The following SIDT1 variants were observed in gnomAD, a reference collection of about 807,000 sequenced individuals.
SIDT1 encodes the protein SID1 transmembrane family member 1.
Under a neutral mutation model 107.5 loss-of-function variants are expected in SIDT1, and 101 were observed. That is an observed-to-expected ratio of 0.94 (90% CI 0.80 to 1.11). The LOEUF (loss-of-function observed/expected upper bound fraction) is 1.11. Among genes scored for constraint, SIDT1 ranks in the 50% least tolerant of loss-of-function variants. The pLI is 0.00. For missense variants in SIDT1, 1,076 were observed against 1,058.2 expected (o/e 1.02, Z -0.23); for synonymous variants, 395 against 398.2 (o/e 0.99, Z 0.10).
chr3:113,616,305 G>A, intron 20 of SIDT1, 129 bp downstream of exon 20: 1 of 690,416 alleles, frequency 1.4e-6, no homozygotes, highest in Non-Finnish European at 2.6e-6. Flanking sequence ...GTGGCTAAAG[G>A]CCCATTAGTG....
chr3:113,567,685 A>G lies in SIDT1; in HGVS notation c.490A>G (p.Thr164Ala). 1 of 1,613,960 alleles carries G rather than the reference A, an allele frequency of 6.2e-7. No individual in the cohort carries two copies. The highest frequency in any genetic ancestry group is 8.5e-7 in the Non-Finnish European group (1 of 1,179,946). ...PLGAQYKLLVTKLKHFQLRTN... is the reference protein window; with the variant it reads ...PLGAQYKLLVAKLKHFQLRTN... The stretch of plus-strand genomic sequence containing the variant: ...GGGTGCTCAGTACAAACTGCTAGTT[A>G]CCAAGCTGAAGCACTTCCAGCTCCG... The change falls in exon 3 of 25, where the codon ACC (threonine) becomes GCC (alanine). Residue 164 changes from threonine to alanine, a missense_variant. Transcript: ENST00000264852.
Position 113,533,006 on chromosome 3 carries a change from G to A in SIDT1, c.-16G>A. The A allele has an allele frequency of 1.5e-6, 2 of 1,342,674 alleles. No individual in the cohort carries two copies. Among genetic ancestry groups the A allele is most frequent in the Non-Finnish European group, 1.9e-6 (2 of 1,050,608 alleles). The allele number at this position is 1,342,674 out of a possible 1,614,324, so 83.2% of individuals were successfully genotyped here. On this transcript the variant is annotated 5_prime_UTR_variant, in exon 1 of 25. Transcript: ENST00000264852. ...CCAGGGTGGCTCCGCTTTCGAGCCC[G>A]GGCGCGGTGCCCACCATGCGCGGCT...
rs141816466 is a variant in SIDT1 at position 113,616,829 on chromosome 3, C to T, written c.2043+653C>T. 5.4e-3 allele frequency among the ~76,000 whole-genome samples: 819 copies of T among 151,858 alleles called. 13 individuals are homozygous for T. The highest frequency in any genetic ancestry group is 0.032 in the Admixed American group (488 of 15,246). ...TCAGCCTCCTGAGTAGCTGGGATTA[C>T]GGGCATGTGCCACCACACCTGGCTA... On this transcript the variant is annotated intron_variant, in intron 20 of 24. Transcript: ENST00000264852.
chr3:113,539,513 A>AC (rs148343740), intron 1 of SIDT1, among the ~76,000 whole-genome samples: 26,270 of 152,106 alleles, frequency 0.17, 3,307 homozygotes, highest in African/African-American at 0.36. Flanking sequence ...TGGATTGGTA[A>AC]CATTTTCTAA....
chr3:113,595,102 G>A (rs1359044299), intron 10 of SIDT1, among the ~76,000 whole-genome samples: 3 of 152,206 alleles, frequency 2.0e-5, no homozygotes, highest in Non-Finnish European at 4.4e-5. Flanking sequence ...CCTACTTTCA[G>A]AATTAAGATT....
chr3:113,539,330 A>G (rs936033996), intron 1 of SIDT1, among the ~76,000 whole-genome samples: 1 of 152,172 alleles, frequency 6.6e-6, no homozygotes, highest in Non-Finnish European at 1.5e-5. Context: ...TGGCTCCTGA[A>G]TTCTTCTGGT....
chr3:113,546,427 G>A (rs756153495), intron 1 of SIDT1, among the ~76,000 whole-genome samples: 1 of 151,982 alleles, frequency 6.6e-6, no homozygotes, highest in African/African-American at 2.4e-5. Flanking sequence ...TCTTGAAAGT[G>A]ATTTTATTTT....
In SIDT1 at chr3:113,563,396, T is replaced by C. The variant is rs1476059478; in HGVS notation, c.223-3024T>C. 7.2e-5 allele frequency among the ~76,000 whole-genome samples: 11 copies of C among 152,276 alleles called. No homozygotes were observed. The South Asian group carries it at 2.3e-3, about 32-fold the overall frequency. On this transcript the variant is annotated intron_variant, in intron 1 of 24. Transcript: ENST00000264852. ...AATACTAAAAGAAAATAGGAGCAAATTCTTCAGTAACCAGGAATGGTGAAA... is the reference window on the plus strand; with the variant it reads ...AATACTAAAAGAAAATAGGAGCAAACTCTTCAGTAACCAGGAATGGTGAAA...
At chr3:113,635,369 AC>A in the SIDT1 span, among the ~76,000 whole-genome samples, 1 of 152,000 alleles carries the variant, frequency 6.6e-6, no homozygotes, top group Non-Finnish European at 1.5e-5. Flanking sequence ...ACATTCAAAA[AC>A]TCAAAAAGTT....
chr3:113,533,751 GCATTCAA>G (rs1339506731), intron 1 of SIDT1, among the ~76,000 whole-genome samples: 4 of 152,190 alleles, frequency 2.6e-5, no homozygotes, highest in African/African-American at 7.2e-5. Context: ...GAACCTCTGT[GCATTCAA>G]CAGTCACTTC....
Position 113,584,683 on chromosome 3 carries a change from T to C in SIDT1, c.836-15T>C, listed in dbSNP as rs1943606161. Reference sequence around the variant, plus strand: ...TTCAATGTGCTTTGTTCTTTTTTTATTTTTTTTAAACCAGAAAAGGAAAAC... The same window carrying C: ...TTCAATGTGCTTTGTTCTTTTTTTACTTTTTTTAAACCAGAAAAGGAAAAC... On this transcript the variant is annotated splice_polypyrimidine_tract_variant and intron_variant, in intron 7 of 24. Transcript: ENST00000264852. 11 of 1,535,976 alleles carry C rather than the reference T, an allele frequency of 7.2e-6. No individual in the cohort carries two copies. The highest frequency in any genetic ancestry group is 9.8e-6 in the Non-Finnish European group (11 of 1,128,040).
chr3:113,607,972 C>A (rs1945457693), intron 15 of SIDT1, 122 bp from the exon 16 acceptor site: 7 of 1,146,034 alleles, frequency 6.1e-6, no homozygotes, highest in Non-Finnish European at 7.1e-6. Context: ...GATCTTGAAA[C>A]CTTATGGAAA....
intron 1 of SIDT1, among the ~76,000 whole-genome samples, chr3:113,545,091 G>A (rs1214371518): frequency 3.4e-5 from 5 of 145,060 alleles, no homozygotes; most frequent in African/African-American, 8.0e-5. Context: ...CTCCAGCCCG[G>A]GCGACAGAGC....
At chr3:113,552,820 G>A (rs958099538) in intron 1 of SIDT1, among the ~76,000 whole-genome samples, 6 of 152,146 alleles carry the variant, frequency 3.9e-5, no homozygotes, top group Admixed American at 6.5e-5. Context: ...TCCTGTATCC[G>A]GCCCCTTTGA....
chr3:113,550,620 G>A (rs996300512), intron 1 of SIDT1, among the ~76,000 whole-genome samples: 1 of 151,956 alleles, frequency 6.6e-6, no homozygotes, highest in Admixed American at 6.6e-5. Context: ...TTTTTTCTGG[G>A]TTTTTTTGTC....
chr3:113,565,678 T>A (rs555739385), intron 1 of SIDT1, among the ~76,000 whole-genome samples: 1 of 152,338 alleles, frequency 6.6e-6, no homozygotes, highest in South Asian at 2.1e-4. Flanking sequence ...GTTACTGATA[T>A]AAAAAAGCAT....
At position 113,542,494 on chromosome 3, in the gene SIDT1, C is replaced by T. The variant is rs114801709; in HGVS notation, c.222+9251C>T. Among the ~76,000 whole-genome samples, 1,219 of 152,138 alleles carry T rather than the reference C, an allele frequency of 8.0e-3. 13 individuals carry two copies. The highest frequency in any genetic ancestry group is 0.014 in the Non-Finnish European group (963 of 67,986). ...TCTTCTATTTTCCTTAAGACATTAT[C>T]ACGATATTTATTATATTCTTAATGT... On this transcript the variant is annotated intron_variant, in intron 1 of 24. Coordinates refer to ENST00000264852, the MANE Select transcript of SIDT1 (RefSeq NM_017699.3).
intron 4 of SIDT1, among the ~76,000 whole-genome samples, chr3:113,579,919 T>A (rs55986525): frequency 1.1e-3 from 162 of 152,356 alleles, no homozygotes; most frequent in Non-Finnish European, 2.1e-3. Flanking sequence ...ATAATCTACA[T>A]GGGTAAATAG....
chr3:113,601,513 C>A, intron 10 of SIDT1, 75 bp from the exon 11 acceptor site: 2 of 1,008,480 alleles, frequency 2.0e-6, no homozygotes, highest in South Asian at 1.3e-5. Context: ...CCTGATGATT[C>A]AAGCTACTTA....
Sources: allele counts gnomAD v4.1 joint callset (sites outside exome capture counted in the v4.1 genomes callset), GRCh38; gene constraint gnomAD v4.1.1; transcripts MANE v1.5; gene names NCBI Gene and HGNC (gene_info 2026-07-23, HGNC 2026-07-21).